Variants in MGLL observed in about 807,000 individuals in gnomAD.
The protein encoded by MGLL is lysophospholipase homolog.
In MGLL, 7 loss-of-function variants were observed where a neutral mutation model predicts 29.1. The ratio of observed to expected loss-of-function variants is 0.24; its 90% CI spans 0.14 to 0.45. MGLL has a LOEUF of 0.45. Among genes scored for constraint, MGLL ranks in the 20% least tolerant of loss-of-function variants. The pLI, the probability that MGLL is intolerant of heterozygous loss-of-function variation, is 0.99. For synonymous variants in MGLL, 148 were observed against 168.3 expected, an observed-to-expected ratio of 0.88 and a Z score of 0.93; for missense variants, 356 against 413.6, an observed-to-expected ratio of 0.86 and a Z score of 1.21.
chr3:127,706,453 G>A (rs1359155545), intron 6 of MGLL, among the ~76,000 whole-genome samples: 2 of 152,208 alleles, frequency 1.3e-5, no homozygotes, highest in African/African-American at 2.4e-5. Context: ...CCTGTCATGA[G>A]CTCACAGCCG....
chr3:127,811,359 A>G (rs2077658958), intron 2 of MGLL, among the ~76,000 whole-genome samples: 1 of 152,222 alleles, frequency 6.6e-6, no homozygotes, highest in Admixed American at 6.5e-5. Flanking sequence ...CTACTCTTGC[A>G]AGATGCAAAC....
chr3:127,773,971 C>T (rs2076991315), intron 3 of MGLL, among the ~76,000 whole-genome samples: 1 of 152,218 alleles, frequency 6.6e-6, no homozygotes, highest in Non-Finnish European at 1.5e-5. Context: ...TCCCTGACTT[C>T]GCCCTGCAAT....
chr3:127,749,260 T>C (rs2076510907), intron 3 of MGLL, among the ~76,000 whole-genome samples: 1 of 152,228 alleles, frequency 6.6e-6, no homozygotes, highest in African/African-American at 2.4e-5. Flanking sequence ...GTCTTGACTT[T>C]TGGATCAGAA....
intron 3 of MGLL, among the ~76,000 whole-genome samples, chr3:127,749,632 C>T (rs2107667296): frequency 6.6e-6 from 1 of 152,166 alleles, no homozygotes; most frequent in South Asian, 2.1e-4. Context: ...ATCCTGTGGC[C>T]CAGAGCAGAT....
chr3:127,722,404 A>C (rs930380262), intron 4 of MGLL, 26 bp downstream of exon 4: 11 of 1,613,820 alleles, frequency 6.8e-6, no homozygotes, highest in Middle Eastern at 1.7e-4. Flanking sequence ...GGTGGATTTA[A>C]CCTGGGTCTT....
At chr3:127,811,067 G>A (rs1339290074) in intron 2 of MGLL, among the ~76,000 whole-genome samples, 1 of 149,090 alleles carries the variant, frequency 6.7e-6, no homozygotes, top group Non-Finnish European at 1.5e-5. Flanking sequence ...GATACTTCTG[G>A]ATTTAGGTGC....
At chr3:127,729,319 A>G (rs759476140) in intron 3 of MGLL, among the ~76,000 whole-genome samples, 2 of 152,222 alleles carry the variant, frequency 1.3e-5, no homozygotes, top group Non-Finnish European at 2.9e-5. Context: ...ACCACTTTAA[A>G]TGTACAGTTT....
intron 3 of MGLL, among the ~76,000 whole-genome samples, chr3:127,778,843 T>C (rs1468800522): frequency 6.6e-6 from 1 of 152,128 alleles, no homozygotes; most frequent in Non-Finnish European, 1.5e-5. Context: ...CCTTGAACTC[T>C]CAGGCTCAAG....
chr3:127,811,340 T>C (rs191914265), intron 2 of MGLL, among the ~76,000 whole-genome samples: 45 of 152,296 alleles, frequency 3.0e-4, no homozygotes, highest in African/African-American at 1.1e-3. Context: ...GAGAAGCTCA[T>C]AGGTTGTTCT....
chr3:127,689,458 A>G lies in MGLL; in HGVS notation c.*2740T>C, dbSNP rs1201260605. The stretch of plus-strand genomic sequence containing the variant: ...TGAGGCCTGTAGGGTTGCGGCTGTC[A>G]CTGGCTACAGGCGGCATCTTTCTGT... On this transcript the variant is annotated 3_prime_UTR_variant, in exon 8 of 8. Coordinates refer to ENST00000265052, the MANE Select transcript of MGLL (RefSeq NM_007283.7). 4 of 152,278 alleles carry G rather than the reference A, an allele frequency of 2.6e-5. No homozygotes were observed. The highest frequency in any genetic ancestry group is 5.9e-5 in the Non-Finnish European group (4 of 68,104). 9.4% of individuals were successfully genotyped at this position (152,278 alleles called of 1,614,324 possible).
chr3:127,792,729 G>T (rs915785412), intron 2 of MGLL, among the ~76,000 whole-genome samples: 2 of 152,068 alleles, frequency 1.3e-5, no homozygotes, highest in African/African-American at 4.8e-5. Context: ...TCCCTGCCTT[G>T]CAGAAGTGCT....
Position 127,781,685 on chromosome 3 carries a change from G to A in MGLL, c.262+104C>T, listed in dbSNP as rs528225483. ...TTTTTTACTTTGAAACATCCGTGGG[G>A]AATAGAAGAATTGAGAAGGATGCTG... On this transcript the variant is annotated intron_variant, in intron 3 of 7. Transcript: ENST00000265052. The A allele has an allele frequency of 2.4e-5, 25 of 1,046,980 alleles. No individual in the cohort carries two copies. In the East Asian group the frequency reaches 5.9e-4, roughly 25 times the overall value. The allele number at this position is 1,046,980 out of a possible 1,614,324, so 64.9% of individuals were successfully genotyped here.
At chr3:127,717,535 C>T (rs1179010690) in intron 5 of MGLL, among the ~76,000 whole-genome samples, 1 of 152,222 alleles carries the variant, frequency 6.6e-6, no homozygotes, top group Admixed American at 6.5e-5. Flanking sequence ...GGGCAACCCC[C>T]TTCTCCCTAC....
At chr3:127,776,387 G>A (rs199705476) in intron 3 of MGLL, among the ~76,000 whole-genome samples, 1 of 152,186 alleles carries the variant, frequency 6.6e-6, no homozygotes, top group Non-Finnish European at 1.5e-5. Flanking sequence ...GGGAGGGGGA[G>A]CCCAGGCTTC....
At chr3:127,783,388 G>C (rs2077162540) in intron 2 of MGLL, among the ~76,000 whole-genome samples, 1 of 152,042 alleles carries the variant, frequency 6.6e-6, no homozygotes, top group Non-Finnish European at 1.5e-5. Context: ...CACCCCTGCT[G>C]ACCGTCACTC....
intron 3 of MGLL, among the ~76,000 whole-genome samples, chr3:127,752,103 CTT>C (rs34517374): frequency 6.7e-6 from 1 of 148,320 alleles, no homozygotes; most frequent in Non-Finnish European, 1.5e-5. Flanking sequence ...CTCTGTGTCA[CTT>C]TTTTTTTTTT....
At chr3:127,775,890 C>A (rs368650268) in intron 3 of MGLL, among the ~76,000 whole-genome samples, 1 of 152,226 alleles carries the variant, frequency 6.6e-6, no homozygotes, top group African/African-American at 2.4e-5. Context: ...GCCCTCCTCC[C>A]GGAGTCCTCC....
At chr3:127,762,475 T>C (rs664954) in intron 3 of MGLL, among the ~76,000 whole-genome samples, 147,710 of 152,256 alleles carry the variant, frequency 0.97, 71,770 homozygotes, top group Non-Finnish European at 1. Context: ...CTTTGAGGAG[T>C]CCTTTCTTCT....
chr3:127,756,847 C>A (rs991203986), intron 3 of MGLL, among the ~76,000 whole-genome samples: 6 of 152,162 alleles, frequency 3.9e-5, no homozygotes, highest in African/African-American at 1.4e-4. Context: ...CTGTCTAAAA[C>A]CACCATGGCT....
Sources: allele counts gnomAD v4.1 joint callset (sites outside exome capture counted in the v4.1 genomes callset), GRCh38; gene constraint gnomAD v4.1.1; transcripts MANE v1.5; gene names NCBI Gene and HGNC (gene_info 2026-07-23, HGNC 2026-07-21).